G3BP1: variants seen among roughly 807,000 people sequenced by gnomAD.
The protein encoded by G3BP1 is ras GTPase-activating protein-binding protein 1.
Under a neutral mutation model 58.6 loss-of-function variants are expected in G3BP1, and 35 were observed. The observed-to-expected ratio is 0.60, with a 90% CI of 0.46 to 0.79. G3BP1 has a LOEUF of 0.79. Ranked by LOEUF, G3BP1 falls within the 30% of genes least tolerant of loss-of-function variation. G3BP1 has a pLI of 0.00. For synonymous variants in G3BP1, 191 were observed against 195.4 expected, an observed-to-expected ratio of 0.98 and a Z score of 0.19; for missense variants, 523 against 580.8, an observed-to-expected ratio of 0.90 and a Z score of 1.02.
intron 1 of G3BP1, among the ~76,000 whole-genome samples, chr5:151,779,638 A>G (rs776164611): frequency 1.1e-4 from 16 of 152,170 alleles, no homozygotes; most frequent in Admixed American, 2.0e-4. Flanking sequence ...TTTCTTTTTA[A>G]TAATGTTTTT....
chr5:151,792,679 C>T lies in G3BP1; in HGVS notation c.352-1480C>T, dbSNP rs1290918169. Among the ~76,000 whole-genome samples the T allele has an allele frequency of 2.0e-5, 3 of 152,280 alleles. No homozygotes were observed. In the South Asian group the frequency reaches 6.2e-4, roughly 32 times the overall value. ...AGTGCAGTGGTAGGATCATGACTTA[C>T]TGCAGCCTTGACTGCCTGGGCTGAA... On this transcript the variant is annotated intron_variant, in intron 4 of 11. Transcript: ENST00000356245.
In G3BP1 at chr5:151,797,256, C is replaced by G. The variant is rs1762768454; in HGVS notation, c.569C>G (p.Pro190Arg). 1.2e-6 allele frequency: 2 copies of G among 1,613,102 alleles called. No homozygotes were observed. ...GACATGGAAGAACATTTAGAGGAGC[C>G]TGTTGCTGAACCAGAGCCTGATCCT... ...SNDMEEHLEE[P>R]VAEPEPDPEP... Residue 190 changes from proline to arginine, a missense_variant, in exon 7 of 12, where the codon CCT becomes CGT. By Grantham distance (103) the Pro-to-Arg change is moderately radical. Around this residue, in one of 2 missense-constraint regions of G3BP1, gnomAD observed 398 missense variants for 399.1 expected, o/e 1.00. Transcript: ENST00000356245.
Position 151,809,341 on chromosome 5 carries a change from G to A in G3BP1, c.*5250G>A, listed in dbSNP as rs749185342. On this transcript the variant is annotated 3_prime_UTR_variant, in exon 12 of 12. Transcript: ENST00000356245. Reference sequence around the variant, plus strand: ...TATACCAAGAAGTTGGTATAAGGGAGTAGGAGATGAGAAAACTTTTTGAAA... The same window carrying A: ...TATACCAAGAAGTTGGTATAAGGGAATAGGAGATGAGAAAACTTTTTGAAA... The A allele has an allele frequency of 2.0e-5, 3 of 152,178 alleles. No individual in the cohort carries two copies. The highest frequency in any genetic ancestry group is 4.4e-5 in the Non-Finnish European group (3 of 68,034). The allele number at this position is 152,178 out of a possible 1,614,324, so 9.4% of individuals were successfully genotyped here.
At chr5:151,793,033 A>G (rs759428891) in intron 4 of G3BP1, among the ~76,000 whole-genome samples, 12 of 152,210 alleles carry the variant, frequency 7.9e-5, no homozygotes, top group Non-Finnish European at 1.3e-4. Context: ...TTCAGGCTGC[A>G]CTACCCTTGA....
At chr5:151,797,456 T>G in intron 7 of G3BP1, 28 bp downstream of exon 7, 1 of 1,562,880 alleles carries the variant, frequency 6.4e-7, no homozygotes, top group Non-Finnish European at 8.7e-7. Flanking sequence ...ATTTTTATTC[T>G]ATTCCTAGTT....
intron 2 of G3BP1, 148 bp from the exon 3 acceptor site, chr5:151,790,175 G>T: frequency 5.1e-6 from 2 of 395,762 alleles, no homozygotes; most frequent in Non-Finnish European, 9.4e-6. Context: ...AAGCTGCAAT[G>T]AGCTATGATT....
At chr5:151,776,879 T>A (rs1762380404) in intron 1 of G3BP1, among the ~76,000 whole-genome samples, 1 of 151,580 alleles carries the variant, frequency 6.6e-6, no homozygotes, top group East Asian at 1.9e-4. Context: ...GTTTATTTTG[T>A]TGTTCATGTT....
chr5:151,795,665 A>C (rs1341506998), intron 6 of G3BP1, 90 bp downstream of exon 6: 28 of 642,850 alleles, frequency 4.4e-5, no homozygotes, highest in Non-Finnish European at 2.8e-6. Flanking sequence ...ACATATTCTG[A>C]GAATTACCTC....
In G3BP1 at chr5:151,812,299, T is replaced by C. The variant is rs910453511; in HGVS notation, c.*8208T>C. ...AATAATGTACTAATGAACGATAGTGTTTCAGGAAACATGCCCTAGCTATTG... is the reference window on the plus strand; with the variant it reads ...AATAATGTACTAATGAACGATAGTGCTTCAGGAAACATGCCCTAGCTATTG... On this transcript the variant is annotated 3_prime_UTR_variant, in exon 12 of 12. Transcript: ENST00000356245. 17 of 152,294 alleles carry C rather than the reference T, an allele frequency of 1.1e-4. No individual in the cohort carries two copies. The highest frequency in any genetic ancestry group is 4.1e-4 in the African/African-American group (17 of 41,564). The allele number at this position is 152,294 out of a possible 1,614,324, so 9.4% of individuals were successfully genotyped here. A position where few individuals can be genotyped will look rare whatever the true frequency, so the allele number is the denominator to read the frequency against.
chr5:151,795,932 A>G (rs1358156752), intron 6 of G3BP1, among the ~76,000 whole-genome samples: 1 of 152,242 alleles, frequency 6.6e-6, no homozygotes, highest in East Asian at 1.9e-4. Flanking sequence ...CTATTTAATT[A>G]GAGATCGGGC....
Position 151,786,652 on chromosome 5 carries a change from T to A in G3BP1, c.32T>A (p.Val11Asp). The A allele has an allele frequency of 6.2e-7, 1 of 1,613,530 alleles. No homozygotes were observed. Among genetic ancestry groups the A allele is most frequent in the Non-Finnish European group, 8.5e-7 (1 of 1,179,482 alleles). MVMEKPSPLL[V>D]GREFVRQYYT... ...ATGGAGAAGCCTAGTCCCCTGCTGG[T>A]CGGGCGGGAATTTGTGAGACAGTAT... Residue 11 changes from valine (V) to aspartate (D), a missense_variant, in exon 2 of 12, where the codon GTC becomes GAC. Val to Asp is a radical substitution (Grantham distance 152). This residue lies in a region of G3BP1 where 398 missense variants were observed against 399.1 expected (regional missense o/e 1.00). Coordinates refer to ENST00000356245, the MANE Select transcript of G3BP1 (RefSeq NM_005754.3).
Position 151,786,542 on chromosome 5 carries a change from C to T in G3BP1, c.-49-30C>T, listed in dbSNP as rs903275621. ...CTGAGTTGGTTTCAGCTAAATGATTCGGTCTTTTCCCCTGTGTTTGATCCT... is the reference window on the plus strand; with the variant it reads ...CTGAGTTGGTTTCAGCTAAATGATTTGGTCTTTTCCCCTGTGTTTGATCCT... On this transcript the variant is annotated intron_variant, in intron 1 of 11. Transcript: ENST00000356245. 1.4e-5 allele frequency: 12 copies of T among 870,894 alleles called. 1 individual carries two copies. The highest frequency in any genetic ancestry group is 2.4e-4 in the Middle Eastern group (1 of 4,102). The allele number at this position is 870,894 out of a possible 1,614,324, so 53.9% of individuals were successfully genotyped here.
At chr5:151,776,962 G>T (rs183116848) in intron 1 of G3BP1, among the ~76,000 whole-genome samples, 197 of 146,430 alleles carry the variant, frequency 1.3e-3, no homozygotes, top group Middle Eastern at 0.01. Flanking sequence ...TTTTTTAAAA[G>T]CATGTTTTTT....
At chr5:151,796,112 T>A (rs1042324027) in intron 6 of G3BP1, among the ~76,000 whole-genome samples, 6 of 152,210 alleles carry the variant, frequency 3.9e-5, no homozygotes, top group Non-Finnish European at 8.8e-5. Context: ...ATACTGAATG[T>A]TAATATTCAG....
intron 1 of G3BP1, among the ~76,000 whole-genome samples, chr5:151,784,699 CA>C (rs1227843901): frequency 6.6e-6 from 1 of 151,888 alleles, no homozygotes; most frequent in African/African-American, 2.4e-5. Context: ...AGTATACTTT[CA>C]TTTTTTTTAC....
intron 1 of G3BP1, among the ~76,000 whole-genome samples, chr5:151,776,948 T>C (rs963489719): frequency 1.3e-5 from 2 of 151,706 alleles, no homozygotes; most frequent in Non-Finnish European, 2.9e-5. Context: ...CCCTATCTTA[T>C]CTGTTTTTTA....
At chr5:151,803,742 T>A (rs1762896048) in intron 11 of G3BP1, 143 bp from the exon 12 acceptor site, 1 of 573,034 alleles carries the variant, frequency 1.7e-6, no homozygotes, top group African/African-American at 1.9e-5. Flanking sequence ...AATCCACCCG[T>A]CTCGGCCTCC....
Position 151,803,969 on chromosome 5 carries a change from C to A in G3BP1, c.1279C>A (p.Arg427Ser). The A allele has an allele frequency of 6.2e-7, 1 of 1,613,754 alleles. No homozygotes were observed. The highest frequency in any genetic ancestry group is 8.5e-7 in the Non-Finnish European group (1 of 1,179,722). The change falls in exon 12 of 12, where the codon CGC becomes AGC. Residue 427 changes from arginine (R) to serine (S), a missense_variant. Arg to Ser is a moderately radical substitution (Grantham distance 110). Transcript: ENST00000356245. ...AAREGDRRDNRLRGPGGPRGG... is the reference protein window; with the variant it reads ...AAREGDRRDNSLRGPGGPRGG... ...CAGGGAAGGCGACCGACGAGATAAT[C>A]GCCTTCGGGGACCTGGAGGCCCTCG... is the stretch of plus-strand genomic sequence containing the variant.
chr5:151,778,402 A>G (rs1561530359), intron 1 of G3BP1, among the ~76,000 whole-genome samples: 1 of 152,142 alleles, frequency 6.6e-6, no homozygotes, highest in Non-Finnish European at 1.5e-5. Flanking sequence ...AAATATCTTT[A>G]AGTCTTTTGC....
Sources: allele counts gnomAD v4.1 joint callset (sites outside exome capture counted in the v4.1 genomes callset), GRCh38; gene constraint gnomAD v4.1.1; regional missense constraint gnomAD v4.1.1; transcripts MANE v1.5; gene names NCBI Gene and HGNC (gene_info 2026-07-23, HGNC 2026-07-21).